FOXRED1: variants seen among roughly 807,000 people sequenced by gnomAD.
The protein encoded by FOXRED1 is FAD dependent oxidoreductase domain containing 1.
A neutral mutation model predicts 57.8 loss-of-function variants in FOXRED1; 52 were observed. The observed-to-expected ratio is 0.90, with a 90% CI of 0.72 to 1.13. FOXRED1 has a LOEUF of 1.13. Ranked by LOEUF, FOXRED1 falls within the 50% of genes most tolerant of loss-of-function variation. FOXRED1 has a pLI of 0.00. For missense variants in FOXRED1, 589 were observed against 625.2 expected (o/e 0.94, Z 0.62); for synonymous variants, 271 against 248.3 (o/e 1.09, Z -0.86).
At chr11:126,270,354 C>G (rs1950948482) in intron 1 of FOXRED1, among the ~76,000 whole-genome samples, 1 of 152,170 alleles carries the variant, frequency 6.6e-6, no homozygotes, top group Non-Finnish European at 1.5e-5. Context: ...ACTTACTGAG[C>G]ACTTAGAATA....
chr11:126,275,796 T>A lies in FOXRED1; in HGVS notation c.736T>A (p.Phe246Ile). Residue 246 changes from phenylalanine to isoleucine, a missense_variant and splice_region_variant, in exon 7 of 11, where the codon TTT (phenylalanine) becomes ATT (isoleucine). By Grantham distance (21) the Phe-to-Ile change is conservative. Transcript: ENST00000263578. The surrounding 1 kb of genome is among the most constrained non-coding windows in gnomAD (Gnocchi z 5.9). ...VLFCQGEVTR[F>I]VSSSQRMLTT... Reference sequence around the variant, plus strand: ...ATTTTTCATTTTCTTCTCTGCAGGTTTTGTCTCTTCATCTCAACGCATGTT... The same window carrying A: ...ATTTTTCATTTTCTTCTCTGCAGGTATTGTCTCTTCATCTCAACGCATGTT... 1 of 1,608,250 alleles carries A rather than the reference T, an allele frequency of 6.2e-7. No individual in the cohort carries two copies. Among genetic ancestry groups the A allele is most frequent in the South Asian group, 1.1e-5 (1 of 90,986 alleles).
rs1951052516 is a variant in FOXRED1 at position 126,273,620 on chromosome 11, G to A, written c.536+166G>A. On this transcript the variant is annotated intron_variant, in intron 4 of 10. Coordinates refer to ENST00000263578, the MANE Select transcript of FOXRED1 (RefSeq NM_017547.4). This position sits in a 1 kb window ranked among gnomAD's most constrained non-coding sequence, Gnocchi z 5.9. ...CACAGACCTGCAATGCCCTGGGAGT[G>A]CTGTACCACAGATATGGACAAAACA... The A allele has an allele frequency of 1.5e-6, 1 of 677,284 alleles. No individual in the cohort carries two copies. The highest frequency in any genetic ancestry group is 2.7e-6 in the Non-Finnish European group (1 of 369,022). The allele number at this position is 677,284 out of a possible 1,614,324, so 42.0% of individuals were successfully genotyped here.
In FOXRED1 at chr11:126,275,704, C is replaced by G. The variant is rs1951109972; in HGVS notation, c.734-90C>G. On this transcript the variant is annotated intron_variant, in intron 6 of 10. Transcript: ENST00000263578. The surrounding 1 kb of genome is among the most constrained non-coding windows in gnomAD (Gnocchi z 5.9). ...TGTCTGTGGGAAAGCTCCCATCCTT[C>G]CAGCTTTCTTTCCTTAAGAAACCAG... is the stretch of plus-strand genomic sequence containing the variant. 2 of 934,352 alleles carry G rather than the reference C, an allele frequency of 2.1e-6. No homozygotes were observed. The highest frequency in any genetic ancestry group is 2.7e-5 in the South Asian group (2 of 74,608). 57.9% of individuals were successfully genotyped at this position (934,352 alleles called of 1,614,324 possible).
chr11:126,276,668 G>A (rs1286291327), intron 9 of FOXRED1, 145 bp downstream of exon 9: 4 of 837,248 alleles, frequency 4.8e-6, no homozygotes, highest in East Asian at 5.9e-5. Context: ...CTGAGGTTAG[G>A]AGTTTGAGAC....
At position 126,275,974 on chromosome 11, in the gene FOXRED1, A is replaced by G; in HGVS notation, c.811-85A>G. The G allele has an allele frequency of 6.3e-7, 1 of 1,589,766 alleles. No homozygotes were observed. The highest frequency in any genetic ancestry group is 8.6e-7 in the Non-Finnish European group (1 of 1,158,508). ...TTGACCCACTTTCCAGTATGGGTAA[A>G]CTAAGGCTCAGGAAGCAGTGCATCT... On this transcript the variant is annotated intron_variant, in intron 7 of 10. Coordinates refer to ENST00000263578, the MANE Select transcript of FOXRED1 (RefSeq NM_017547.4). This position sits in a 1 kb window ranked among gnomAD's most constrained non-coding sequence, Gnocchi z 5.9.
chr11:126,274,089 TATTAACTC>T lies in FOXRED1; in HGVS notation c.536+639_536+646del, dbSNP rs1398391855. ...ATTAATATCCTAAATGCTGTACAGATATTAACTCATTTAATCATCAGAACATCCCCATT... is the reference window on the plus strand; with the variant it reads ...ATTAATATCCTAAATGCTGTACAGATATTTAATCATCAGAACATCCCCATT... On this transcript the variant is annotated intron_variant, in intron 4 of 10. Transcript: ENST00000263578. The surrounding 1 kb of genome is among the most constrained non-coding windows in gnomAD (Gnocchi z 4.8). 6.3e-6 allele frequency: 1 copy of T among 159,002 alleles called. No individual in the cohort carries two copies. Among genetic ancestry groups the T allele is most frequent in the African/African-American group, 2.4e-5 (1 of 41,476 alleles). The allele number at this position is 159,002 out of a possible 1,614,324, so 9.8% of individuals were successfully genotyped here. A position where few individuals can be genotyped will look rare whatever the true frequency, so the allele number is the denominator to read the frequency against.
chr11:126,269,164 A>G lies in FOXRED1; in HGVS notation c.-43A>G. 1 of 1,438,084 alleles carries G rather than the reference A, an allele frequency of 7.0e-7. No individual in the cohort carries two copies. Among genetic ancestry groups the G allele is most frequent in the South Asian group, 1.1e-5 (1 of 87,312 alleles). 89.1% of individuals were successfully genotyped at this position (1,438,084 alleles called of 1,614,324 possible). ...AGCAGTGACGGCTGCGATAATAGCG[A>G]GGCAGCAGTGCAGCTTTCAGAGGGT... On this transcript the variant is annotated 5_prime_UTR_variant, in exon 1 of 11. Transcript: ENST00000263578.
Position 126,271,534 on chromosome 11 carries a change from C to T in FOXRED1, c.183C>T (p.Pro61=), listed in dbSNP as rs773152001. 15 of 1,614,052 alleles carry T rather than the reference C, an allele frequency of 9.3e-6. No homozygotes were observed. The highest frequency in any genetic ancestry group is 3.3e-5 in the South Asian group (3 of 91,088). Residue 61 remains proline (P), a synonymous_variant, in exon 2 of 11, where the codon CCC becomes CCT. Coordinates refer to ENST00000263578, the MANE Select transcript of FOXRED1 (RefSeq NM_017547.4). This position sits in a 1 kb window ranked among gnomAD's most constrained non-coding sequence, Gnocchi z 5.3. ...DLLQDTSHLP[P]EHSDVVIVGG... The stretch of plus-strand genomic sequence containing the variant: ...TGCAAGACACCAGCCACCTGCCTCC[C>T]GAGCACTCGGATGTGGTGATCGTGG...
At chr11:126,270,016 C>T (rs1195184330) in intron 1 of FOXRED1, among the ~76,000 whole-genome samples, 1 of 147,494 alleles carries the variant, frequency 6.8e-6, no homozygotes, top group Non-Finnish European at 1.5e-5. Flanking sequence ...AAAAGATTAG[C>T]TAGAACTCAA....
Position 126,271,048 on chromosome 11 carries a change from G to A in FOXRED1, c.86-389G>A, listed in dbSNP as rs1004713302. The A allele has an allele frequency of 6.2e-6, 2 of 323,026 alleles. No individual in the cohort carries two copies. Among genetic ancestry groups the A allele is most frequent in the Non-Finnish European group, 1.2e-5 (2 of 165,726 alleles). 20.0% of individuals were successfully genotyped at this position (323,026 alleles called of 1,614,324 possible). ...CAGGATAAGCATGGCACCGCTTAGC[G>A]GTGACATGCTTCAGAGGGTGCCGTG... On this transcript the variant is annotated intron_variant, in intron 1 of 10. Transcript: ENST00000263578. The surrounding 1 kb of genome is among the most constrained non-coding windows in gnomAD (Gnocchi z 5.3).
In FOXRED1 at chr11:126,273,143, A is replaced by G; in HGVS notation, c.417+64A>G. On this transcript the variant is annotated intron_variant, in intron 3 of 10. Transcript: ENST00000263578. This position sits in a 1 kb window ranked among gnomAD's most constrained non-coding sequence, Gnocchi z 5.9. ...CCTCCTTTAGCCCAGAGTGGGGAGC[A>G]GCCCAGCTAGCAAGGTAGCCAGAGA... 9.5e-7 allele frequency: 1 copy of G among 1,054,904 alleles called. No homozygotes were observed. Among genetic ancestry groups the G allele is most frequent in the Non-Finnish European group, 1.5e-6 (1 of 668,972 alleles). 65.3% of individuals were successfully genotyped at this position (1,054,904 alleles called of 1,614,324 possible).
chr11:126,273,508 C>A lies in FOXRED1; in HGVS notation c.536+54C>A. On this transcript the variant is annotated intron_variant, in intron 4 of 10. Transcript: ENST00000263578. The surrounding 1 kb of genome is among the most constrained non-coding windows in gnomAD (Gnocchi z 5.9). ...CTTGGCAGCCAAAGGTGTTGGGTGACTCCTGCACCAGGTTAGGAAGCGAGA... is the reference window on the plus strand; with the variant it reads ...CTTGGCAGCCAAAGGTGTTGGGTGAATCCTGCACCAGGTTAGGAAGCGAGA... 8.6e-7 allele frequency: 1 copy of A among 1,158,948 alleles called. No homozygotes were observed. The highest frequency in any genetic ancestry group is 1.3e-6 in the Non-Finnish European group (1 of 765,686). 71.8% of individuals were successfully genotyped at this position (1,158,948 alleles called of 1,614,324 possible). A position where few individuals can be genotyped will look rare whatever the true frequency, so the allele number is the denominator to read the frequency against.
Position 126,275,024 on chromosome 11 carries a change from G to A in FOXRED1, c.631+3G>A, listed in dbSNP as rs768735390. 3.7e-6 allele frequency: 6 copies of A among 1,601,574 alleles called. No homozygotes were observed. The East Asian group carries it at 8.9e-5, about 24-fold the overall frequency. ...GGGAGTGGCTTTGGCGTCTTATGGT[G>A]AGGCTTGCTTGCAGAGGGGACAGCT... On this transcript the variant is annotated splice_donor_region_variant and intron_variant, in intron 5 of 10. Coordinates refer to ENST00000263578, the MANE Select transcript of FOXRED1 (RefSeq NM_017547.4). This position sits in a 1 kb window ranked among gnomAD's most constrained non-coding sequence, Gnocchi z 5.9.
intron 1 of FOXRED1, chr11:126,269,522 C>A: frequency 2.7e-6 from 2 of 739,516 alleles, no homozygotes; most frequent in South Asian, 3.0e-5. Flanking sequence ...AGCTTACAGT[C>A]AGACTGATTG....
chr11:126,274,030 A>G lies in FOXRED1; in HGVS notation c.536+576A>G, dbSNP rs573158309. Reference sequence around the variant, plus strand: ...GGCCAGAGGCTTTATTTGTATGTTTATTTAACAAACACCCAAGTCTCAGAG... The same window carrying G: ...GGCCAGAGGCTTTATTTGTATGTTTGTTTAACAAACACCCAAGTCTCAGAG... On this transcript the variant is annotated intron_variant, in intron 4 of 10. Transcript: ENST00000263578. This position sits in a 1 kb window ranked among gnomAD's most constrained non-coding sequence, Gnocchi z 4.8. The G allele has an allele frequency of 1.2e-3, 197 of 166,146 alleles. No individual in the cohort carries two copies. The highest frequency in any genetic ancestry group is 4.4e-3 in the African/African-American group (185 of 41,742). The allele number at this position is 166,146 out of a possible 1,614,324, so 10.3% of individuals were successfully genotyped here. A position where few individuals can be genotyped will look rare whatever the true frequency, so the allele number is the denominator to read the frequency against.
chr11:126,271,559 GGAGGTGGGGT>G lies in FOXRED1; in HGVS notation c.210_219del (p.Gly71LeufsTer9). On this transcript the variant is annotated frameshift_variant, in exon 2 of 11. Coordinates refer to ENST00000263578, the MANE Select transcript of FOXRED1 (RefSeq NM_017547.4). LOFTEE classifies it high-confidence loss of function. The surrounding 1 kb of genome is among the most constrained non-coding windows in gnomAD (Gnocchi z 5.3). ...CGAGCACTCGGATGTGGTGATCGTG[GGAGGTGGGGT>G]GCTTGGCTTGTCTGTGGCCTATTGG... The G allele has an allele frequency of 1.2e-6, 2 of 1,614,246 alleles. No individual in the cohort carries two copies. The highest frequency in any genetic ancestry group is 1.7e-6 in the Non-Finnish European group (2 of 1,180,044).
chr11:126,275,070 T>G lies in FOXRED1; in HGVS notation c.631+49T>G. The G allele has an allele frequency of 8.1e-7, 1 of 1,233,158 alleles. No individual in the cohort carries two copies. The allele number at this position is 1,233,158 out of a possible 1,614,324, so 76.4% of individuals were successfully genotyped here. On this transcript the variant is annotated intron_variant, in intron 5 of 10. Transcript: ENST00000263578. This position sits in a 1 kb window ranked among gnomAD's most constrained non-coding sequence, Gnocchi z 5.9. ...CAGCTTTTTTCCTGAAGATGGAGAC[T>G]AAGGGGTGCTACACGTTGGGAGTCT...
At position 126,277,136 on chromosome 11, in the gene FOXRED1, C is replaced by G. The variant is rs560953332; in HGVS notation, c.1167C>G (p.Pro389=). The change falls in exon 10 of 11, where the codon CCC becomes CCG. Residue 389 remains proline, a synonymous_variant. Coordinates refer to ENST00000263578, the MANE Select transcript of FOXRED1 (RefSeq NM_017547.4). This position sits in a 1 kb window ranked among gnomAD's most constrained non-coding sequence, Gnocchi z 6.8. ...DHDFFQDKVW[P]HLALRVPAFE... is the part of the protein sequence containing the mutation. ...ATTTCTTCCAGGACAAGGTGTGGCC[C>G]CATTTGGCCCTGAGGGTCCCAGCTT... 3 of 1,613,440 alleles carry G rather than the reference C, an allele frequency of 1.9e-6. No individual in the cohort carries two copies. Among genetic ancestry groups the G allele is most frequent in the African/African-American group, 2.7e-5 (2 of 75,042 alleles).
rs2135260573 is a variant in FOXRED1 at position 126,273,394 on chromosome 11, A to C, written c.476A>C (p.Tyr159Ser). The C allele has an allele frequency of 6.2e-7, 1 of 1,614,012 alleles. No individual in the cohort carries two copies. Among genetic ancestry groups the C allele is most frequent in the Non-Finnish European group, 8.5e-7 (1 of 1,180,028 alleles). Residue 159 changes from tyrosine (Y) to serine (S), a missense_variant, in exon 4 of 11, where the codon TAC becomes TCC. Transcript: ENST00000263578. This position sits in a 1 kb window ranked among gnomAD's most constrained non-coding sequence, Gnocchi z 5.9. The part of the protein sequence containing the change: ...PLDLRFNPSG[Y>S]LLLASEKDAA... ...GACCTCCGGTTCAACCCCTCGGGCTACCTCTTGCTGGCTTCAGAAAAGGAT... is the reference window on the plus strand; with the variant it reads ...GACCTCCGGTTCAACCCCTCGGGCTCCCTCTTGCTGGCTTCAGAAAAGGAT...
Sources: gnomAD v4.1 joint callset for allele counts (sites outside exome capture counted in the v4.1 genomes callset) on GRCh38, gnomAD v4.1.1 for gene constraint, Gnocchi (gnomAD v3.1) non-coding constraint, MANE v1.5 for transcripts, NCBI Gene and HGNC (gene_info 2026-07-23, HGNC 2026-07-21) for gene names.